The following IL17RE variants were observed in gnomAD, a reference collection of about 807,000 sequenced individuals.
The protein encoded by IL17RE is interleukin 17 receptor E, also known as interleukin-17 receptor E.
In IL17RE, 47 loss-of-function variants were observed where a neutral mutation model predicts 70.7. The observed-to-expected ratio is 0.67, with a 90% CI of 0.53 to 0.85. The LOEUF is 0.85. Ranked by LOEUF, IL17RE falls within the 40% of genes least tolerant of loss-of-function variation. The pLI, the probability that IL17RE is intolerant of heterozygous loss-of-function variation, is 0.00. For synonymous variants in IL17RE, 372 were observed against 381.2 expected, an observed-to-expected ratio of 0.98 and a Z score of 0.28; for missense variants, 850 against 893.9, an observed-to-expected ratio of 0.95 and a Z score of 0.63.
chr3:9,912,144 T>G (rs958472787), intron 12 of IL17RE, among the ~76,000 whole-genome samples: 2 of 152,214 alleles, frequency 1.3e-5, no homozygotes, highest in African/African-American at 2.4e-5. Flanking sequence ...CAAACCCTAT[T>G]GTGAACGGTG....
At chr3:9,912,167 C>A (rs1486994188) in intron 12 of IL17RE, among the ~76,000 whole-genome samples, 1 of 152,176 alleles carries the variant, frequency 6.6e-6, no homozygotes, top group African/African-American at 2.4e-5. Flanking sequence ...TGCGAGGGAT[C>A]TTGGTTGTGA....
rs750672105 is a variant in IL17RE at position 9,909,201 on chromosome 3, G to C, written c.736-16G>C. Reference sequence around the variant, plus strand: ...GCCATTCCTCTGACCCTCCCCACCTGCTCCCGTCTCTCCAGGCATCCTACC... The same window carrying C: ...GCCATTCCTCTGACCCTCCCCACCTCCTCCCGTCTCTCCAGGCATCCTACC... On this transcript the variant is annotated splice_polypyrimidine_tract_variant and intron_variant, in intron 7 of 15. Transcript: ENST00000383814. The C allele has an allele frequency of 4.3e-6, 7 of 1,610,866 alleles. No individual in the cohort carries two copies. Among genetic ancestry groups the C allele is most frequent in the African/African-American group, 1.3e-5 (1 of 74,834 alleles).
In IL17RE at chr3:9,902,931, C is replaced by T. The variant is rs1284595019; in HGVS notation, c.-2C>T. 6.2e-7 allele frequency: 1 copy of T among 1,614,208 alleles called. No homozygotes were observed. The highest frequency in any genetic ancestry group is 2.2e-5 in the East Asian group (1 of 44,880). Reference sequence around the variant, plus strand: ...CCGGGAGCCCTAATTGCACAGAAGCCCATGGGGAGCTCCAGACTGGCAGCC... The same window carrying T: ...CCGGGAGCCCTAATTGCACAGAAGCTCATGGGGAGCTCCAGACTGGCAGCC... On this transcript the variant is annotated 5_prime_UTR_variant, in exon 1 of 16. Coordinates refer to ENST00000383814, the MANE Select transcript of IL17RE (RefSeq NM_153480.2).
intron 12 of IL17RE, 89 bp from the exon 13 acceptor site, chr3:9,913,866 TG>T: frequency 9.8e-7 from 1 of 1,017,404 alleles, no homozygotes; most frequent in Non-Finnish European, 1.6e-6. Flanking sequence ...GGGGGTGTGG[TG>T]GGGAGGAACA....
At position 9,913,119 on chromosome 3, in the gene IL17RE, A is replaced by G. The variant is rs561554078; in HGVS notation, c.1228-837A>G. Reference sequence around the variant, plus strand: ...TTATCCCCCATATAAAAATGAAGAAAGTAGGCCAGGCGCAGTGGCTCACGC... The same window carrying G: ...TTATCCCCCATATAAAAATGAAGAAGGTAGGCCAGGCGCAGTGGCTCACGC... On this transcript the variant is annotated intron_variant, in intron 12 of 15. Coordinates refer to ENST00000383814, the MANE Select transcript of IL17RE (RefSeq NM_153480.2). Among the ~76,000 whole-genome samples the G allele has an allele frequency of 1.4e-4, 21 of 152,308 alleles. No individual in the cohort carries two copies. The East Asian group carries it at 4.0e-3, about 29-fold the overall frequency.
At chr3:9,913,491 G>A (rs1172644559) in intron 12 of IL17RE, among the ~76,000 whole-genome samples, 1 of 151,948 alleles carries the variant, frequency 6.6e-6, no homozygotes, top group East Asian at 1.9e-4. Flanking sequence ...AGGAAAGAGA[G>A]GTAACCTACC....
rs755538813 is a variant in IL17RE at position 9,908,313 on chromosome 3, C to T, written c.735+6C>T. 9.3e-6 allele frequency: 15 copies of T among 1,613,418 alleles called. No individual in the cohort carries two copies. The highest frequency in any genetic ancestry group is 1.7e-6 in the Non-Finnish European group (2 of 1,179,478). ...TGCCCTGTCTGTGCATAGAGGTGAG[C>T]AAAGGAAAAGGTGTGGGCTGTCCAT... On this transcript the variant is annotated splice_donor_region_variant and intron_variant, in intron 7 of 15. Transcript: ENST00000383814.
Position 9,910,925 on chromosome 3 carries a change from T to A in IL17RE, c.863T>A (p.Val288Asp). ...FTDYSQHTQM[V>D]MALTLRCPLK... Reference sequence around the variant, plus strand: ...GACTACAGCCAGCACACTCAGATGGTCATGGCCCTGACACTCCGCTGCCCA... The same window carrying A: ...GACTACAGCCAGCACACTCAGATGGACATGGCCCTGACACTCCGCTGCCCA... Residue 288 changes from valine (V) to aspartate (D), a missense_variant, in exon 9 of 16, where the codon GTC becomes GAC. By Grantham distance (152) the Val-to-Asp change is radical. Coordinates refer to ENST00000383814, the MANE Select transcript of IL17RE (RefSeq NM_153480.2). The A allele has an allele frequency of 6.2e-7, 1 of 1,614,104 alleles. No individual in the cohort carries two copies. The highest frequency in any genetic ancestry group is 8.5e-7 in the Non-Finnish European group (1 of 1,180,008).
intron 8 of IL17RE, chr3:9,909,644 T>G: frequency 1.3e-5 from 3 of 224,654 alleles, no homozygotes; most frequent in African/African-American, 2.3e-5. Context: ...AAAATCTCAA[T>G]ACCTGCTCTG....
upstream of IL17RE, chr3:9,902,824 G>A (rs1051923456): frequency 3.8e-6 from 6 of 1,590,616 alleles, no homozygotes; most frequent in Non-Finnish European, 5.1e-6. Context: ...AGGGCAGGCT[G>A]GGGCGAGGGC....
chr3:9,907,741 T>C (rs553604518), intron 6 of IL17RE, among the ~76,000 whole-genome samples: 4 of 152,192 alleles, frequency 2.6e-5, no homozygotes, highest in Non-Finnish European at 5.9e-5. Flanking sequence ...TCTCCCTCCC[T>C]TTGTTCCTGC....
intron 6 of IL17RE, among the ~76,000 whole-genome samples, chr3:9,908,022 C>T (rs2082800691): frequency 6.6e-6 from 1 of 152,098 alleles, no homozygotes; most frequent in Non-Finnish European, 1.5e-5. Flanking sequence ...GAATGTATTC[C>T]CTGTCTCCTT....
At chr3:9,902,634 C>T, upstream of IL17RE, 1 of 1,536,154 alleles carries the variant, frequency 6.5e-7, no homozygotes, top group Non-Finnish European at 8.7e-7. Context: ...GTCCCCCAAC[C>T]TGATGCTAGC....
rs763414241 is a variant in IL17RE, at chr3:9,913,957, C to G, written c.1229C>G (p.Ala410Gly). The G allele has an allele frequency of 5.7e-5, 92 of 1,613,600 alleles. No individual in the cohort carries two copies. The highest frequency in any genetic ancestry group is 7.0e-5 in the Non-Finnish European group (83 of 1,179,612). Residue 410 changes from alanine to glycine, a missense_variant and splice_region_variant, in exon 13 of 16, where the codon GCC (alanine) becomes GGC (glycine). Coordinates refer to ENST00000383814, the MANE Select transcript of IL17RE (RefSeq NM_153480.2). The stretch of plus-strand genomic sequence containing the variant: ...CCTTTCTGCTCTTTGTTTCTACAGG[C>G]CCGGGGCTCAAGCCCAGTGTCACTA... ...LVPPVYTVSQ[A>G]RGSSPVSLDL...
At chr3:9,906,212 G>A (rs1258897857) in intron 3 of IL17RE, 152 bp from the exon 4 acceptor site, 2 of 331,432 alleles carry the variant, frequency 6.0e-6, no homozygotes, top group Admixed American at 4.3e-5. Context: ...TCGCGCCATT[G>A]CTCTCCAGCC....
At position 9,910,849 on chromosome 3, in the gene IL17RE, C is replaced by G; in HGVS notation, c.803-16C>G. On this transcript the variant is annotated splice_polypyrimidine_tract_variant and intron_variant, in intron 8 of 15. Coordinates refer to ENST00000383814, the MANE Select transcript of IL17RE (RefSeq NM_153480.2). Reference sequence around the variant, plus strand: ...GCAGGGCTGACCCTCACCCACTGACCCTGCCACCTGCCCAGATGGCTCGGA... The same window carrying G: ...GCAGGGCTGACCCTCACCCACTGACGCTGCCACCTGCCCAGATGGCTCGGA... 2.5e-6 allele frequency: 4 copies of G among 1,610,338 alleles called. No individual in the cohort carries two copies. The highest frequency in any genetic ancestry group is 3.4e-6 in the Non-Finnish European group (4 of 1,177,818).
In IL17RE at chr3:9,916,026, C is replaced by T; in HGVS notation, c.*219C>T. 1 of 728,176 alleles carries T rather than the reference C, an allele frequency of 1.4e-6. No individual in the cohort carries two copies. Among genetic ancestry groups the T allele is most frequent in the Non-Finnish European group, 2.0e-6 (1 of 512,512 alleles). The allele number at this position is 728,176 out of a possible 1,614,324, so 45.1% of individuals were successfully genotyped here. On this transcript the variant is annotated 3_prime_UTR_variant, in exon 16 of 16. Transcript: ENST00000383814. The stretch of plus-strand genomic sequence containing the variant: ...TTCCCTTGACTGAGAGCTCCTCTAA[C>T]CCCTGTTCTGATGGGGGAGGGCGGT...
intron 8 of IL17RE, 35 bp from the exon 9 acceptor site, chr3:9,910,830 C>T (rs1363955577): frequency 1.3e-6 from 2 of 1,599,120 alleles, no homozygotes; most frequent in Non-Finnish European, 1.7e-6. Context: ...TGAAGCAGGG[C>T]TGACCCTCAC....
In IL17RE at chr3:9,906,251, A is replaced by AAAAT. The variant is rs532583541; in HGVS notation, c.269-97_269-94dup. On this transcript the variant is annotated intron_variant, in intron 3 of 15. Transcript: ENST00000383814. ...GCAACAAAGAGCAAAACTCCATATC[A>AAAAT]AAATAAATAAATAAATAAAATAAAA... is the stretch of plus-strand genomic sequence containing the variant. 48 of 459,632 alleles carry AAAAT rather than the reference A, an allele frequency of 1.0e-4. No homozygotes were observed. In the Middle Eastern group the frequency reaches 2.0e-3, roughly 19 times the overall value. The allele number at this position is 459,632 out of a possible 1,614,324, so 28.5% of individuals were successfully genotyped here. A position where few individuals can be genotyped will look rare whatever the true frequency, so the allele number is the denominator to read the frequency against.
Sources: allele counts gnomAD v4.1 joint callset (sites outside exome capture counted in the v4.1 genomes callset), GRCh38; gene constraint gnomAD v4.1.1; transcripts MANE v1.5; gene names NCBI Gene and HGNC (gene_info 2026-07-23, HGNC 2026-07-21).